The following USP40 variants were observed in gnomAD, a reference collection of about 807,000 sequenced individuals.
The protein encoded by USP40 is ubiquitin specific peptidase 40.
In USP40, 143 loss-of-function variants were observed where a neutral mutation model predicts 166.2. The ratio of observed to expected loss-of-function variants is 0.86; its 90% CI spans 0.75 to 0.99. The LOEUF is 0.99. Among genes scored for constraint, USP40 ranks in the 50% least tolerant of loss-of-function variants. USP40 has a pLI of 0.00. For missense variants in USP40, 1,444 were observed against 1,479.7 expected, an observed-to-expected ratio of 0.98 and a Z score of 0.40; for synonymous variants, 498 against 524.0, an observed-to-expected ratio of 0.95 and a Z score of 0.68.
chr2:233,481,550 C>G (rs1033751293), intron 30 of USP40: 8 of 499,678 alleles, frequency 1.6e-5, no homozygotes, highest in African/African-American at 5.8e-5. Context: ...GCTTCCACTG[C>G]GAGTGGCCAA....
At chr2:233,495,639 G>A (rs768944935) in intron 24 of USP40, among the ~76,000 whole-genome samples, 2 of 152,154 alleles carry the variant, frequency 1.3e-5, no homozygotes, top group Non-Finnish European at 2.9e-5. Flanking sequence ...TTCAGTGTGT[G>A]CAAGTGTGTG....
At chr2:233,563,515 A>T (rs2071853395) in intron 2 of USP40, among the ~76,000 whole-genome samples, 1 of 152,176 alleles carries the variant, frequency 6.6e-6, no homozygotes, top group African/African-American at 2.4e-5. Context: ...CTTACTGTTA[A>T]TGAATGTTAT....
chr2:233,481,219 G>T lies in USP40; in HGVS notation c.3583C>A (p.Leu1195Met). The change falls in exon 31 of 32, where the codon CTG (leucine) becomes ATG (methionine). Residue 1195 changes from leucine to methionine, a missense_variant. Transcript: ENST00000678225. ...TGKEKQKQRA[L>M]GRRKSQEALH... is the part of the protein sequence containing the mutation. Reference sequence around the variant, plus strand: ...AGCAATTACCTTTTCCTTCTCCCCAGGGCCCGTTGTTTCTGCTTTTCTTTT... The same window carrying T: ...AGCAATTACCTTTTCCTTCTCCCCATGGCCCGTTGTTTCTGCTTTTCTTTT... 1 of 1,606,672 alleles carries T rather than the reference G, an allele frequency of 6.2e-7. No individual in the cohort carries two copies. The highest frequency in any genetic ancestry group is 8.5e-7 in the Non-Finnish European group (1 of 1,176,258).
chr2:233,493,190 G>A lies in USP40; in HGVS notation c.2917+235C>T, dbSNP rs2065459068. ...AAGTCTTTGGAAAGTGTAATATATT[G>A]ATATAATAATAAACAACAAGATATA... is the stretch of plus-strand genomic sequence containing the variant. On this transcript the variant is annotated intron_variant, in intron 25 of 31. Coordinates refer to ENST00000678225, the MANE Select transcript of USP40 (RefSeq NM_001365479.2). The surrounding 1 kb of genome is among the most constrained non-coding windows in gnomAD (Gnocchi z 4.7). 1 of 575,386 alleles carries A rather than the reference G, an allele frequency of 1.7e-6. No individual in the cohort carries two copies. The highest frequency in any genetic ancestry group is 1.9e-5 in the African/African-American group (1 of 53,798). The allele number at this position is 575,386 out of a possible 1,614,324, so 35.6% of individuals were successfully genotyped here.
chr2:233,477,811 G>A (rs773082151), intron 31 of USP40, among the ~76,000 whole-genome samples: 30 of 152,318 alleles, frequency 2.0e-4, no homozygotes, highest in Admixed American at 3.3e-4. Flanking sequence ...CTTTTTAAAC[G>A]GAAGAATAAC....
At chr2:233,566,550 G>T in intron 1 of USP40, 134 bp downstream of exon 1, 1 of 419,068 alleles carries the variant, frequency 2.4e-6, no homozygotes, top group Non-Finnish European at 3.2e-6. Context: ...CCACTGCCCC[G>T]ACTCCAGGAG....
In USP40 at chr2:233,566,673, G is replaced by C; in HGVS notation, c.-20+11C>G. 3 of 985,992 alleles carry C rather than the reference G, an allele frequency of 3.0e-6. No individual in the cohort carries two copies. The highest frequency in any genetic ancestry group is 3.6e-6 in the Non-Finnish European group (3 of 829,990). The allele number at this position is 985,992 out of a possible 1,614,324, so 61.1% of individuals were successfully genotyped here. A position where few individuals can be genotyped will look rare whatever the true frequency, so the allele number is the denominator to read the frequency against. ...TCCCTCCCAGGATCCCCGGGCGCCA[G>C]CCGCACTTACTGCCTAAAGCCCAGA... On this transcript the variant is annotated intron_variant, in intron 1 of 31. Transcript: ENST00000678225.
At position 233,488,228 on chromosome 2, in the gene USP40, G is replaced by C. The variant is rs947733673; in HGVS notation, c.3197+11C>G. ...TGTGTGTCACTTCAGATGCACAGGA[G>C]AATTTCTTACCCCAAGTTTTCGCCT... On this transcript the variant is annotated intron_variant, in intron 28 of 31. Coordinates refer to ENST00000678225, the MANE Select transcript of USP40 (RefSeq NM_001365479.2). 1 of 1,598,162 alleles carries C rather than the reference G, an allele frequency of 6.3e-7. No homozygotes were observed. Among genetic ancestry groups the C allele is most frequent in the African/African-American group, 1.3e-5 (1 of 74,764 alleles).
intron 16 of USP40, among the ~76,000 whole-genome samples, chr2:233,522,416 G>A (rs987830772): frequency 6.6e-6 from 1 of 152,146 alleles, no homozygotes; most frequent in Non-Finnish European, 1.5e-5. Context: ...AGTAATAGTG[G>A]TAAGTGTACT....
intron 18 of USP40, among the ~76,000 whole-genome samples, chr2:233,517,662 C>T (rs2067322455): frequency 1.3e-5 from 2 of 152,190 alleles, no homozygotes; most frequent in Non-Finnish European, 2.9e-5. Flanking sequence ...GCTGGGATTA[C>T]AGGCGTGAGC....
chr2:233,560,985 T>C (rs2125400014), intron 3 of USP40: 2 of 785,510 alleles, frequency 2.5e-6, no homozygotes, highest in Non-Finnish European at 2.2e-6. Flanking sequence ...ACTGATTCTT[T>C]CTCGGAAGGC....
chr2:233,532,067 C>T (rs2068576005), intron 11 of USP40, among the ~76,000 whole-genome samples: 1 of 152,214 alleles, frequency 6.6e-6, no homozygotes, highest in Non-Finnish European at 1.5e-5. Context: ...CTGACCCCAA[C>T]GAATCAGACA....
intron 15 of USP40, 57 bp downstream of exon 15, chr2:233,524,435 G>A (rs6746234): frequency 0.11 from 158,731 of 1,498,276 alleles, 8,864 homozygotes; most frequent in African/African-American, 0.18. Flanking sequence ...CGGCCATTAC[G>A]ATGACTTTTA....
intron 30 of USP40, among the ~76,000 whole-genome samples, chr2:233,485,161 T>G (rs956191394): frequency 1.3e-5 from 2 of 152,230 alleles, no homozygotes; most frequent in South Asian, 4.1e-4. Flanking sequence ...ATTTCTTACA[T>G]AATCTATTCT....
intron 10 of USP40, among the ~76,000 whole-genome samples, chr2:233,534,050 T>C (rs939267855): frequency 6.6e-6 from 1 of 152,178 alleles, no homozygotes; most frequent in Non-Finnish European, 1.5e-5. Context: ...CTAGTGCTGT[T>C]TAAAAAAGTA....
intron 15 of USP40, 31 bp from the exon 16 acceptor site, chr2:233,523,520 A>T: frequency 1.3e-6 from 2 of 1,577,962 alleles, no homozygotes; most frequent in Non-Finnish European, 1.7e-6. Flanking sequence ...CCATTAGTAC[A>T]GCTGATATTT....
At position 233,498,636 on chromosome 2, in the gene USP40, T is replaced by TA. The variant is rs759437931; in HGVS notation, c.2651-25dup. 5.5e-5 allele frequency: 89 copies of TA among 1,605,176 alleles called. 1 individual carries two copies. Among genetic ancestry groups the TA allele is most frequent in the Middle Eastern group, 5.0e-4 (3 of 6,012 alleles). On this transcript the variant is annotated intron_variant, in intron 22 of 31. Transcript: ENST00000678225. ...TCCTATAAAGGAGTCAAAATTGGGA[T>TA]AAAAAAAATTCAAAGTTAGGTGAGA...
At chr2:233,484,309 T>G (rs769027477) in intron 30 of USP40, among the ~76,000 whole-genome samples, 41 of 152,212 alleles carry the variant, frequency 2.7e-4, no homozygotes, top group Non-Finnish European at 5.9e-5. Flanking sequence ...CCTTTACTAT[T>G]GTGAGGTTTG....
At chr2:233,549,507 A>G (rs751667534) in intron 7 of USP40, among the ~76,000 whole-genome samples, 4 of 152,138 alleles carry the variant, frequency 2.6e-5, no homozygotes, top group Non-Finnish European at 5.9e-5. Flanking sequence ...GGCTAAGATC[A>G]TGTAAGCCAA....
Sources: allele counts gnomAD v4.1 joint callset (sites outside exome capture counted in the v4.1 genomes callset), GRCh38; gene constraint gnomAD v4.1.1; non-coding constraint Gnocchi (gnomAD v3.1); transcripts MANE v1.5; gene names NCBI Gene and HGNC (gene_info 2026-07-23, HGNC 2026-07-21).